The following EFCAB9 variants were observed in gnomAD, a reference collection of about 807,000 sequenced individuals.
EFCAB9 encodes EF-hand calcium-binding domain-containing protein 9.
Under a neutral mutation model 15.6 loss-of-function variants are expected in EFCAB9, and 16 were observed. The observed-to-expected ratio is 1.03, with a 90% CI of 0.69 to 1.56. The LOEUF is 1.56. Among genes scored for constraint, EFCAB9 ranks in the 40% most tolerant of loss-of-function variants. EFCAB9 has a pLI of 0.00. For missense variants in EFCAB9, 208 were observed against 235.4 expected (o/e 0.88, Z 0.76); for synonymous variants, 76 against 85.4 (o/e 0.89, Z 0.61).
intron 3 of EFCAB9, among the ~76,000 whole-genome samples, chr5:172,202,123 G>A (rs927979220): frequency 4.0e-4 from 60 of 151,854 alleles, no homozygotes; most frequent in Admixed American, 3.3e-4. Flanking sequence ...GGCAGATCAC[G>A]AGGACAGGAG....
chr5:172,195,855 G>A (rs967331255), intron 1 of EFCAB9, among the ~76,000 whole-genome samples: 1 of 152,118 alleles, frequency 6.6e-6, no homozygotes, highest in Non-Finnish European at 1.5e-5. Context: ...TCGCCCAGAA[G>A]TGCAGTGGCC....
chr5:172,201,769 G>A (rs1771259847), intron 3 of EFCAB9, among the ~76,000 whole-genome samples: 1 of 152,158 alleles, frequency 6.6e-6, no homozygotes, highest in South Asian at 2.1e-4. Context: ...AGCTCCCTGG[G>A]AGGCTGAGAA....
At chr5:172,199,898 T>C (rs1771227702) in intron 2 of EFCAB9, among the ~76,000 whole-genome samples, 1 of 151,436 alleles carries the variant, frequency 6.6e-6, no homozygotes, top group South Asian at 2.1e-4. Flanking sequence ...TTTCTTACCG[T>C]ATATACATTT....
intron 1 of EFCAB9, among the ~76,000 whole-genome samples, chr5:172,198,397 T>C (rs1771197476): frequency 6.6e-6 from 1 of 152,080 alleles, no homozygotes; most frequent in East Asian, 1.9e-4. Flanking sequence ...TGGTCCCAGC[T>C]ACTTGGGAGG....
chr5:172,195,690 G>C (rs1284008625), intron 1 of EFCAB9, among the ~76,000 whole-genome samples: 6 of 152,368 alleles, frequency 3.9e-5, no homozygotes, highest in Admixed American at 2.0e-4. Context: ...GGACTGGAGA[G>C]TGACCTGGAA....
At chr5:172,198,558 A>G (rs1771198997) in intron 1 of EFCAB9, among the ~76,000 whole-genome samples, 1 of 152,202 alleles carries the variant, frequency 6.6e-6, no homozygotes, top group Admixed American at 6.5e-5. Flanking sequence ...CTACAGCCAG[A>G]TGCATTTGCT....
At chr5:172,200,167 C>T (rs1346838831) in intron 2 of EFCAB9, among the ~76,000 whole-genome samples, 2 of 152,038 alleles carry the variant, frequency 1.3e-5, no homozygotes, top group Non-Finnish European at 2.9e-5. Context: ...GATCCACCCA[C>T]CTCGAGCCTC....
In EFCAB9 at chr5:172,201,459, A is replaced by G. The variant is rs144932207; in HGVS notation, c.462+717A>G. Among the ~76,000 whole-genome samples, 443 of 152,316 alleles carry G rather than the reference A, an allele frequency of 2.9e-3. 6 individuals are homozygous for G. The highest frequency in any genetic ancestry group is 0.01 in the African/African-American group (423 of 41,572). Reference sequence around the variant, plus strand: ...CTACTTGGGAGGCTGAGGCAGAAGAATCACTTGAATCCGGGAGGCGGAGGT... The same window carrying G: ...CTACTTGGGAGGCTGAGGCAGAAGAGTCACTTGAATCCGGGAGGCGGAGGT... On this transcript the variant is annotated intron_variant, in intron 3 of 3. Coordinates refer to ENST00000398186, the MANE Select transcript of EFCAB9 (RefSeq NM_001171183.2).
chr5:172,196,970 T>A (rs2113858242), intron 1 of EFCAB9, among the ~76,000 whole-genome samples: 1 of 152,300 alleles, frequency 6.6e-6, no homozygotes, highest in East Asian at 1.9e-4. Context: ...TTTTTCAGTA[T>A]TTTTTCTTCT....
intron 1 of EFCAB9, among the ~76,000 whole-genome samples, chr5:172,198,312 G>A (rs71607597): frequency 0.027 from 4,145 of 152,090 alleles, 92 homozygotes; most frequent in Middle Eastern, 0.061. Flanking sequence ...AGTTCGAGAC[G>A]AGTCTGGGCA....
intron 1 of EFCAB9, among the ~76,000 whole-genome samples, chr5:172,197,051 C>T (rs944673229): frequency 2.0e-5 from 3 of 151,588 alleles, no homozygotes; most frequent in Admixed American, 6.6e-5. Flanking sequence ...AAAAACACCA[C>T]GGTGAGGGAA....
rs755074120 is a variant in EFCAB9, at chr5:172,194,242, A to G, written c.70A>G (p.Arg24Gly). Residue 24 changes from arginine to glycine, a missense_variant, in exon 1 of 4, where the codon AGA (arginine) becomes GGA (glycine). Transcript: ENST00000398186. ...LDKIYCLLSVRNVKALAEYFH... is the reference protein window; with the variant it reads ...LDKIYCLLSVGNVKALAEYFH... ...CAAAATATACTGCTTATTATCCGTG[A>G]GAAACGTGAAGGCTTTGGCAGAATA... The G allele has an allele frequency of 1.4e-5, 21 of 1,537,742 alleles. No homozygotes were observed. Among genetic ancestry groups the G allele is most frequent in the South Asian group, 5.9e-5 (5 of 84,064 alleles).
In EFCAB9 at chr5:172,198,903, T is replaced by G. The variant is rs545642155; in HGVS notation, c.137-480T>G. 5.3e-5 allele frequency among the ~76,000 whole-genome samples: 8 copies of G among 152,342 alleles called. No homozygotes were observed. In the South Asian group the frequency reaches 6.2e-4, roughly 12 times the overall value. ...TGCTGGGATTACAGGCATGAGCTAC[T>G]GTGCCTGGCCGAAGGGGAATGATTT... On this transcript the variant is annotated intron_variant, in intron 1 of 3. Coordinates refer to ENST00000398186, the MANE Select transcript of EFCAB9 (RefSeq NM_001171183.2).
intron 3 of EFCAB9, 142 bp from the exon 4 acceptor site, chr5:172,203,072 C>T (rs1264030804): frequency 1.3e-6 from 1 of 782,724 alleles, no homozygotes; most frequent in Non-Finnish European, 1.9e-6. Flanking sequence ...CGACTACAAT[C>T]GGACTATAAT....
At chr5:172,198,640 G>A (rs1771200154) in intron 1 of EFCAB9, among the ~76,000 whole-genome samples, 2 of 152,170 alleles carry the variant, frequency 1.3e-5, no homozygotes, top group South Asian at 2.1e-4. Flanking sequence ...TTTTTGAGAC[G>A]GAGTCTTGGT....
intron 2 of EFCAB9, among the ~76,000 whole-genome samples, chr5:172,199,927 GTTTCC>G (rs1469868038): frequency 7.7e-6 from 1 of 129,476 alleles, no homozygotes; most frequent in Non-Finnish European, 1.6e-5. Flanking sequence ...TACTTACCCA[GTTTCC>G]TTTTTTTTTT....
At chr5:172,196,690 T>G (rs1156375079) in intron 1 of EFCAB9, among the ~76,000 whole-genome samples, 1 of 138,654 alleles carries the variant, frequency 7.2e-6, no homozygotes, top group Admixed American at 7.0e-5. Flanking sequence ...GAGCCATTTC[T>G]TATGCAGGAG....
In EFCAB9 at chr5:172,200,659, T is replaced by G; in HGVS notation, c.379T>G (p.Phe127Val). ...GGATCTGAGAATTGGTGCAAAAAAC[T>G]TCGAAATGTACAGATTTCTCTTCAA... ...KGDLRIGAKN[F>V]EMYRFLFNIQ... The change falls in exon 3 of 4, where the codon TTC (phenylalanine) becomes GTC (valine). Residue 127 changes from phenylalanine to valine, a missense_variant. Physicochemically the swap from Phe to Val is conservative, Grantham distance 50. Transcript: ENST00000398186. 6.5e-7 allele frequency: 1 copy of G among 1,537,358 alleles called. No individual in the cohort carries two copies. Among genetic ancestry groups the G allele is most frequent in the Non-Finnish European group, 8.7e-7 (1 of 1,146,942 alleles).
At chr5:172,198,802 G>C (rs1383708755) in intron 1 of EFCAB9, among the ~76,000 whole-genome samples, 1 of 152,196 alleles carries the variant, frequency 6.6e-6, no homozygotes, top group Non-Finnish European at 1.5e-5. Context: ...TTTTAGTAGA[G>C]ACAGGGTTTC....
Sources: allele counts gnomAD v4.1 joint callset (sites outside exome capture counted in the v4.1 genomes callset), GRCh38; gene constraint gnomAD v4.1.1; transcripts MANE v1.5; gene names NCBI Gene and HGNC (gene_info 2026-07-23, HGNC 2026-07-21).